TRMT9B: variants seen among roughly 807,000 people sequenced by gnomAD.
TRMT9B encodes the protein tRNA methyltransferase 9B (putative).
In TRMT9B, 16 loss-of-function variants were observed where a neutral mutation model predicts 11.5. The ratio of observed to expected loss-of-function variants is 1.39; its 90% CI spans 0.94 to 2.11. The LOEUF (loss-of-function observed/expected upper bound fraction) is 2.11, where lower values mean the gene tolerates loss of function less well. Among genes scored for constraint, TRMT9B ranks in the 30% most tolerant of loss-of-function variants. The pLI, the probability that TRMT9B is intolerant of heterozygous loss-of-function variation, is 0.00. For missense variants in TRMT9B, 941 were observed against 553.8 expected, an observed-to-expected ratio of 1.70 and a Z score of -7.02; for synonymous variants, 274 against 192.4, an observed-to-expected ratio of 1.42 and a Z score of -3.51.
chr8:13,011,240 C>G, intron 3 of TRMT9B: 1 of 907,528 alleles, frequency 1.1e-6, no homozygotes, highest in South Asian at 5.1e-5. Flanking sequence ...CCCACCACAG[C>G]CTCCCAAAGT....
At chr8:12,947,723 A>T (rs1322758645) in intron 1 of TRMT9B, among the ~76,000 whole-genome samples, 1 of 152,264 alleles carries the variant, frequency 6.6e-6, no homozygotes, top group Admixed American at 6.5e-5. Context: ...CTTAAATGCC[A>T]TAACTTAAGA....
intron 1 of TRMT9B, among the ~76,000 whole-genome samples, chr8:12,955,066 T>A (rs1801123267): frequency 6.6e-6 from 1 of 152,160 alleles, no homozygotes; most frequent in African/African-American, 2.4e-5. Context: ...CTAAATATCA[T>A]CTCCTGGAGG....
intron 1 of TRMT9B, among the ~76,000 whole-genome samples, chr8:12,976,661 C>T (rs913642643): frequency 3.9e-5 from 6 of 152,214 alleles, no homozygotes; most frequent in African/African-American, 1.4e-4. Context: ...AAAGATGTTA[C>T]TGAAGAGAGT....
At chr8:12,959,178 G>C (rs1009853343) in intron 1 of TRMT9B, among the ~76,000 whole-genome samples, 3 of 152,046 alleles carry the variant, frequency 2.0e-5, no homozygotes, top group Admixed American at 2.0e-4. Flanking sequence ...AAGGGAACAG[G>C]TCTAACAACT....
intron 2 of TRMT9B, 31 bp downstream of exon 2, chr8:12,991,062 C>T (rs1335858479): frequency 1.8e-6 from 2 of 1,116,372 alleles, no homozygotes; most frequent in African/African-American, 3.2e-5. Flanking sequence ...CTGCAACTCA[C>T]ATACCATGAG....
intron 2 of TRMT9B, among the ~76,000 whole-genome samples, chr8:13,004,303 A>T (rs112516295): frequency 4.3e-4 from 65 of 151,940 alleles, no homozygotes; most frequent in Admixed American, 1.5e-3. Context: ...CCAGGTGGGG[A>T]GGAGGGAACG....
intron 2 of TRMT9B, among the ~76,000 whole-genome samples, chr8:12,992,355 A>G (rs543445954): frequency 2.0e-4 from 30 of 152,238 alleles, no homozygotes; most frequent in African/African-American, 6.7e-4. Context: ...ATAAATTTGC[A>G]GTGTATAGAA....
rs192847868 is a variant in TRMT9B at position 12,982,994 on chromosome 8, A to G, written c.-199-7840A>G. ...TAAAATGGCATGTGTTCAGGCACCA[A>G]CCACGGGTTCCCCACGATGCCCCAC... On this transcript the variant is annotated intron_variant, in intron 1 of 4. Coordinates refer to ENST00000524591, the MANE Select transcript of TRMT9B (RefSeq NM_020844.3). Among the ~76,000 whole-genome samples, 5 of 152,324 alleles carry G rather than the reference A, an allele frequency of 3.3e-5. No individual in the cohort carries two copies. The East Asian group carries it at 5.8e-4, about 18-fold the overall frequency.
At chr8:13,002,472 T>G (rs1454743498) in intron 2 of TRMT9B, among the ~76,000 whole-genome samples, 4 of 152,220 alleles carry the variant, frequency 2.6e-5, no homozygotes, top group Non-Finnish European at 5.9e-5. Flanking sequence ...TAAATTTCAG[T>G]TGAAGGTGCA....
intron 1 of TRMT9B, among the ~76,000 whole-genome samples, chr8:12,964,008 C>G (rs764990106): frequency 2.6e-5 from 4 of 152,084 alleles, no homozygotes; most frequent in African/African-American, 9.7e-5. Flanking sequence ...TTTTGTAAAC[C>G]ATTCACTTGT....
intron 2 of TRMT9B, among the ~76,000 whole-genome samples, chr8:13,005,563 A>G (rs931455503): frequency 1.3e-5 from 2 of 152,180 alleles, no homozygotes; most frequent in Admixed American, 1.3e-4. Flanking sequence ...TACACCTACT[A>G]TGTACCCACA....
At chr8:12,961,490 A>C (rs1235785686) in intron 1 of TRMT9B, among the ~76,000 whole-genome samples, 1 of 151,962 alleles carries the variant, frequency 6.6e-6, no homozygotes, top group Non-Finnish European at 1.5e-5. Flanking sequence ...TCACGAGGTC[A>C]GGAGATGGAG....
chr8:12,982,400 G>T (rs1805558073), intron 1 of TRMT9B, among the ~76,000 whole-genome samples: 1 of 152,196 alleles, frequency 6.6e-6, no homozygotes, highest in African/African-American at 2.4e-5. Context: ...GGTGGCTTAT[G>T]CCTGTAATCC....
chr8:12,954,459 T>G (rs1195475859), intron 1 of TRMT9B, among the ~76,000 whole-genome samples: 1 of 152,242 alleles, frequency 6.6e-6, no homozygotes, highest in Non-Finnish European at 1.5e-5. Context: ...AAATGCCTGT[T>G]TACTACATGT....
Position 13,022,190 on chromosome 8 carries a change from G to A in TRMT9B, c.*146G>A. 1.7e-6 allele frequency: 1 copy of A among 591,286 alleles called. No individual in the cohort carries two copies. The highest frequency in any genetic ancestry group is 2.9e-6 in the Non-Finnish European group (1 of 349,800). 36.6% of individuals were successfully genotyped at this position (591,286 alleles called of 1,614,324 possible). ...AGACTATTAATTATTTGGTTGTTTT[G>A]TTTTCATTTTTGAATAAGCACAGAT... On this transcript the variant is annotated 3_prime_UTR_variant, in exon 5 of 5. Coordinates refer to ENST00000524591, the MANE Select transcript of TRMT9B (RefSeq NM_020844.3).
chr8:13,016,372 A>G (rs55720909), intron 4 of TRMT9B, among the ~76,000 whole-genome samples: 6,843 of 146,610 alleles, frequency 0.047, 181 homozygotes, highest in Non-Finnish European at 0.053. Flanking sequence ...CTATATTATG[A>G]GAAATATATA....
At chr8:12,985,143 C>G (rs1806070699) in intron 1 of TRMT9B, among the ~76,000 whole-genome samples, 1 of 152,192 alleles carries the variant, frequency 6.6e-6, no homozygotes. Flanking sequence ...AGTATTTGAT[C>G]TCTTTCCGCT....
At chr8:12,970,267 T>C (rs1157997163) in intron 1 of TRMT9B, 1 of 152,266 alleles carries the variant, frequency 6.6e-6, no homozygotes, top group Non-Finnish European at 1.5e-5. Flanking sequence ...TCCTTCACTG[T>C]CCATGAACTT....
chr8:12,979,763 C>CCAA (rs1805052555), intron 1 of TRMT9B, among the ~76,000 whole-genome samples: 1 of 152,140 alleles, frequency 6.6e-6, no homozygotes, highest in South Asian at 2.1e-4. Context: ...GGAACAATGA[C>CCAA]CAACACATTT....
Sources: gnomAD v4.1 joint callset for allele counts (sites outside exome capture counted in the v4.1 genomes callset) on GRCh38, gnomAD v4.1.1 for gene constraint, MANE v1.5 for transcripts, NCBI Gene and HGNC (gene_info 2026-07-23, HGNC 2026-07-21) for gene names.